DERA: variants seen among roughly 807,000 people sequenced by gnomAD.
DERA encodes the protein deoxyribose-phosphate aldolase, also known as 2-deoxy-D-ribose 5-phosphate aldolase.
A neutral mutation model predicts 41.1 loss-of-function variants in DERA; 15 were observed. That is an observed-to-expected ratio of 0.37 (90% CI 0.24 to 0.56). DERA has a LOEUF of 0.56. DERA is among the 20% of genes least tolerant of loss of function. DERA has a pLI of 0.81. For missense variants in DERA, 396 were observed against 403.4 expected (o/e 0.98, Z 0.16); for synonymous variants, 139 against 137.4 (o/e 1.01, Z -0.08).
Position 16,001,689 on chromosome 12 carries a change from A to G in DERA, c.637+19253A>G, listed in dbSNP as rs1381134399. ...GTTGGAATAAAATTACAACTGAGGA[A>G]GGACAAGAATAAATGGTATCAGAGG... On this transcript the variant is annotated intron_variant, in intron 6 of 8. Transcript: ENST00000428559. The surrounding 1 kb of genome is among the most constrained non-coding windows in gnomAD (Gnocchi z 4.1). Among the ~76,000 whole-genome samples the G allele has an allele frequency of 6.6e-6, 1 of 152,228 alleles. No individual in the cohort carries two copies. Among genetic ancestry groups the G allele is most frequent in the African/African-American group, 2.4e-5 (1 of 41,464 alleles).
intron 6 of DERA, among the ~76,000 whole-genome samples, chr12:16,029,307 C>T (rs1305541396): frequency 6.6e-6 from 1 of 151,908 alleles, no homozygotes; most frequent in Non-Finnish European, 1.5e-5. Context: ...CCTGTAGTCC[C>T]AGCTACTCGG....
intron 1 of DERA, among the ~76,000 whole-genome samples, chr12:15,956,238 T>C (rs1254174696): frequency 6.6e-6 from 1 of 152,208 alleles, no homozygotes; most frequent in East Asian, 1.9e-4. Flanking sequence ...TTAGACTAGG[T>C]CTGAAGGTAG....
Position 15,982,157 on chromosome 12 carries a change from T to A in DERA, c.509-151T>A. ...CAGGATGTGAACTGCAACAGAATGCTCCAGGCAATGTTAAATTGGGGTGAT... is the reference window on the plus strand; with the variant it reads ...CAGGATGTGAACTGCAACAGAATGCACCAGGCAATGTTAAATTGGGGTGAT... On this transcript the variant is annotated intron_variant, in intron 5 of 8. Coordinates refer to ENST00000428559, the MANE Select transcript of DERA (RefSeq NM_015954.4). This position sits in a 1 kb window ranked among gnomAD's most constrained non-coding sequence, Gnocchi z 4.0. The A allele has an allele frequency of 1.3e-6, 1 of 741,624 alleles. No individual in the cohort carries two copies. Among genetic ancestry groups the A allele is most frequent in the East Asian group, 2.8e-5 (1 of 35,740 alleles). 45.9% of individuals were successfully genotyped at this position (741,624 alleles called of 1,614,324 possible).
At position 15,990,070 on chromosome 12, in the gene DERA, G is replaced by A. The variant is rs925093715; in HGVS notation, c.637+7634G>A. On this transcript the variant is annotated intron_variant, in intron 6 of 8. Transcript: ENST00000428559. The surrounding 1 kb of genome is among the most constrained non-coding windows in gnomAD (Gnocchi z 4.3). The stretch of plus-strand genomic sequence containing the variant: ...AAACTGTAAATAAAGTACTTTGCAA[G>A]TTATTGAAAAATATTAGTATACCTT... Among the ~76,000 whole-genome samples the A allele has an allele frequency of 9.2e-5, 14 of 152,276 alleles. No individual in the cohort carries two copies. Among genetic ancestry groups the A allele is most frequent in the African/African-American group, 3.4e-4 (14 of 41,560 alleles).
At position 15,959,804 on chromosome 12, in the gene DERA, G is replaced by A. The variant is rs912276777; in HGVS notation, c.278-25G>A. On this transcript the variant is annotated intron_variant, in intron 3 of 8. Coordinates refer to ENST00000428559, the MANE Select transcript of DERA (RefSeq NM_015954.4). The surrounding 1 kb of genome is among the most constrained non-coding windows in gnomAD (Gnocchi z 4.5). The stretch of plus-strand genomic sequence containing the variant: ...TATGAGTTGAACTTCATTGAAAGTT[G>A]GCTATTCCTATTTTTTCTTGATAGG... 7.4e-6 allele frequency: 11 copies of A among 1,495,710 alleles called. No homozygotes were observed. The highest frequency in any genetic ancestry group is 1.2e-5 in the South Asian group (1 of 80,638). The allele number at this position is 1,495,710 out of a possible 1,614,324, so 92.7% of individuals were successfully genotyped here. A position where few individuals can be genotyped will look rare whatever the true frequency, so the allele number is the denominator to read the frequency against.
chr12:16,014,341 G>A lies in DERA; in HGVS notation c.638-18201G>A, dbSNP rs1435423404. On this transcript the variant is annotated intron_variant, in intron 6 of 8. Coordinates refer to ENST00000428559, the MANE Select transcript of DERA (RefSeq NM_015954.4). This position sits in a 1 kb window ranked among gnomAD's most constrained non-coding sequence, Gnocchi z 5.4. ...CTAGAAGGAAAACATGGTTTTGTGG[G>A]CCAGGCCTAGGGCCTTGCTACTTTG... Among the ~76,000 whole-genome samples, 1 of 152,176 alleles carries A rather than the reference G, an allele frequency of 6.6e-6. No individual in the cohort carries two copies. Among genetic ancestry groups the A allele is most frequent in the African/African-American group, 2.4e-5 (1 of 41,438 alleles).
At chr12:16,007,224 C>G (rs550104115) in intron 6 of DERA, among the ~76,000 whole-genome samples, 11 of 141,566 alleles carry the variant, frequency 7.8e-5, no homozygotes, top group African/African-American at 2.9e-4. Context: ...CACCCTGTTG[C>G]GCAGGCTGAA....
Position 15,985,328 on chromosome 12 carries a change from T to C in DERA, c.637+2892T>C, listed in dbSNP as rs1420825617. 1 of 152,240 alleles carries C rather than the reference T, an allele frequency of 6.6e-6. No homozygotes were observed. Among genetic ancestry groups the C allele is most frequent in the Non-Finnish European group, 1.5e-5 (1 of 68,044 alleles). The allele number at this position is 152,240 out of a possible 1,614,324, so 9.4% of individuals were successfully genotyped here. On this transcript the variant is annotated intron_variant, in intron 6 of 8. Transcript: ENST00000428559. The surrounding 1 kb of genome is among the most constrained non-coding windows in gnomAD (Gnocchi z 4.2). The stretch of plus-strand genomic sequence containing the variant: ...ATCTTAAGGAGTTTGCCTAGAAGTA[T>C]TTCACTGTGTAAGTATACTGAGTTG...
At chr12:15,978,582 C>T (rs767697238) in intron 5 of DERA, among the ~76,000 whole-genome samples, 26 of 152,066 alleles carry the variant, frequency 1.7e-4, no homozygotes, top group Non-Finnish European at 3.1e-4. Flanking sequence ...TAGCAAGTAG[C>T]AAAAATGTCT....
At position 16,037,323 on chromosome 12, in the gene DERA, T is replaced by C. The variant is rs934585610; in HGVS notation, c.*577T>C. On this transcript the variant is annotated 3_prime_UTR_variant, in exon 9 of 9. Transcript: ENST00000428559. This position sits in a 1 kb window ranked among gnomAD's most constrained non-coding sequence, Gnocchi z 6.7. Reference sequence around the variant, plus strand: ...TTATTTTTTTAAAAAACTTAAAAATTGTTACAATACATAATGAAAAAATAA... The same window carrying C: ...TTATTTTTTTAAAAAACTTAAAAATCGTTACAATACATAATGAAAAAATAA... 1.3e-5 allele frequency: 2 copies of C among 152,204 alleles called. No individual in the cohort carries two copies. The highest frequency in any genetic ancestry group is 4.2e-4 in the South Asian group (2 of 4,814). The allele number at this position is 152,204 out of a possible 1,614,324, so 9.4% of individuals were successfully genotyped here.
rs539218931 is a variant in DERA, at chr12:15,963,022, A to G, written c.508+75A>G. On this transcript the variant is annotated intron_variant, in intron 5 of 8. Transcript: ENST00000428559. ...ATCAGATGATGAGGTAAGATGTGGT[A>G]TGTTTTAGAGGTCACTGTTCTAGGT... 281 of 1,535,060 alleles carry G rather than the reference A, an allele frequency of 1.8e-4. No individual in the cohort carries two copies. In the African/African-American group the frequency reaches 3.5e-3, roughly 19 times the overall value.
chr12:15,973,044 G>A (rs1266362766), intron 5 of DERA, among the ~76,000 whole-genome samples: 1 of 151,940 alleles, frequency 6.6e-6, no homozygotes, highest in Non-Finnish European at 1.5e-5. Flanking sequence ...TCTGATTCCT[G>A]TCAGTGAGCA....
intron 6 of DERA, among the ~76,000 whole-genome samples, chr12:16,031,185 T>C (rs1949090008): frequency 6.6e-6 from 1 of 152,204 alleles, no homozygotes; most frequent in Admixed American, 6.5e-5. Context: ...AGAAACCAGA[T>C]CTCCTGACTT....
rs1336281803 is a variant in DERA at position 15,940,286 on chromosome 12, A to G, written c.32-16650A>G. ...CATCTATGACTCTGCTATGAAACTG[A>G]TATTTTCTAGTATTTTTGGAGCCAA... On this transcript the variant is annotated intron_variant, in intron 1 of 8. Coordinates refer to ENST00000428559, the MANE Select transcript of DERA (RefSeq NM_015954.4). The surrounding 1 kb of genome is among the most constrained non-coding windows in gnomAD (Gnocchi z 5.1). Among the ~76,000 whole-genome samples, 1 of 152,166 alleles carries G rather than the reference A, an allele frequency of 6.6e-6. No homozygotes were observed. Among genetic ancestry groups the G allele is most frequent in the Non-Finnish European group, 1.5e-5 (1 of 68,026 alleles).
chr12:16,021,850 A>G lies in DERA; in HGVS notation c.638-10692A>G, dbSNP rs1479229975. On this transcript the variant is annotated intron_variant, in intron 6 of 8. Transcript: ENST00000428559. The surrounding 1 kb of genome is among the most constrained non-coding windows in gnomAD (Gnocchi z 5.3). ...ATGTTTACCCAGCACCTTTGCCACA[A>G]TTGTATCTTGGAAGTATAACTTGTT... 1.3e-5 allele frequency among the ~76,000 whole-genome samples: 2 copies of G among 152,194 alleles called. No individual in the cohort carries two copies. The highest frequency in any genetic ancestry group is 2.1e-4 in the South Asian group (1 of 4,832).
At position 16,003,321 on chromosome 12, in the gene DERA, ACTAATT is replaced by A. The variant is rs1279550099; in HGVS notation, c.637+20886_637+20891del. ...CGTACTCCATTGCGACCTCATATTGACTAATTATATCTGCAAGCACCCAGGTTCCAA... is the reference window on the plus strand; with the variant it reads ...CGTACTCCATTGCGACCTCATATTGAATATCTGCAAGCACCCAGGTTCCAA... On this transcript the variant is annotated intron_variant, in intron 6 of 8. Coordinates refer to ENST00000428559, the MANE Select transcript of DERA (RefSeq NM_015954.4). The surrounding 1 kb of genome is among the most constrained non-coding windows in gnomAD (Gnocchi z 4.8). 6.6e-6 allele frequency among the ~76,000 whole-genome samples: 1 copy of A among 152,166 alleles called. No individual in the cohort carries two copies. Among genetic ancestry groups the A allele is most frequent in the Non-Finnish European group, 1.5e-5 (1 of 68,030 alleles).
In DERA at chr12:15,981,744, C is replaced by T. The variant is rs563681014; in HGVS notation, c.509-564C>T. Among the ~76,000 whole-genome samples the T allele has an allele frequency of 3.9e-5, 6 of 152,256 alleles. No individual in the cohort carries two copies. In the South Asian group the frequency reaches 1.0e-3, roughly 26 times the overall value. ...CTGCAGAGATGGCTTTGTACACATG[C>T]GTCCAGCACTACCTGGCCAGGCCTA... On this transcript the variant is annotated intron_variant, in intron 5 of 8. Coordinates refer to ENST00000428559, the MANE Select transcript of DERA (RefSeq NM_015954.4). This position sits in a 1 kb window ranked among gnomAD's most constrained non-coding sequence, Gnocchi z 6.1.
chr12:15,930,484 A>T (rs1041537345), intron 1 of DERA, among the ~76,000 whole-genome samples: 1 of 152,248 alleles, frequency 6.6e-6, no homozygotes, highest in Admixed American at 6.5e-5. Context: ...CAAATAACAG[A>T]GTAGGTGTTT....
intron 6 of DERA, among the ~76,000 whole-genome samples, chr12:16,031,240 C>G (rs1324176136): frequency 6.6e-6 from 1 of 152,192 alleles, no homozygotes; most frequent in Non-Finnish European, 1.5e-5. Context: ...TCATCTCCAC[C>G]CGTGTCTACA....
Sources: allele counts gnomAD v4.1 joint callset (sites outside exome capture counted in the v4.1 genomes callset), GRCh38; gene constraint gnomAD v4.1.1; non-coding constraint Gnocchi (gnomAD v3.1); transcripts MANE v1.5; gene names NCBI Gene and HGNC (gene_info 2026-07-23, HGNC 2026-07-21).